The following CAP2 variants were observed in gnomAD, a reference collection of about 807,000 sequenced individuals.
CAP2 encodes adenylyl cyclase-associated protein 2.
A neutral mutation model predicts 57.7 loss-of-function variants in CAP2; 24 were observed. The observed-to-expected ratio is 0.42, with a 90% CI of 0.30 to 0.58. The LOEUF (loss-of-function observed/expected upper bound fraction) is 0.58. CAP2 is among the 20% of genes least tolerant of loss of function. The probability of loss-of-function intolerance (pLI) is 0.22; values close to 1 mark genes in which losing one functional copy is unlikely to be tolerated. For missense variants in CAP2, 501 were observed against 590.3 expected (o/e 0.85, Z 1.57); for synonymous variants, 194 against 207.2 (o/e 0.94, Z 0.55).
intron 3 of CAP2, among the ~76,000 whole-genome samples, chr6:17,462,009 A>AAAAAAAAAAAAAAAAAAAAAAAT: frequency 7.3e-6 from 1 of 137,050 alleles, no homozygotes; most frequent in Non-Finnish European, 1.5e-5. Flanking sequence ...AAAAAAAAAA[A>AAAAAAAAAAAAAAAAAAAAAAAT]AAAAAAAAAA....
chr6:17,521,547 G>GC (rs1762391976), intron 7 of CAP2, among the ~76,000 whole-genome samples: 1 of 152,208 alleles, frequency 6.6e-6, no homozygotes, highest in South Asian at 2.1e-4. Flanking sequence ...TATGGCTTAA[G>GC]CATCTACTAT....
At chr6:17,505,811 G>A (rs767541866) in intron 4 of CAP2, among the ~76,000 whole-genome samples, 6 of 152,170 alleles carry the variant, frequency 3.9e-5, no homozygotes, top group Non-Finnish European at 8.8e-5. Flanking sequence ...GATGTTTAAA[G>A]CAACTGTGGT....
At chr6:17,482,064 T>A (rs986183558) in intron 4 of CAP2, among the ~76,000 whole-genome samples, 1 of 152,230 alleles carries the variant, frequency 6.6e-6, no homozygotes, top group Non-Finnish European at 1.5e-5. Flanking sequence ...GTTATCTCTG[T>A]TCCTAATTTT....
At chr6:17,512,748 A>T (rs567530218) in intron 6 of CAP2, among the ~76,000 whole-genome samples, 24 of 152,356 alleles carry the variant, frequency 1.6e-4, no homozygotes, top group African/African-American at 5.3e-4. Context: ...TGTAGAACAA[A>T]ACCACACTCA....
At chr6:17,507,914 A>G (rs151160135) in intron 6 of CAP2, among the ~76,000 whole-genome samples, 188 bp downstream of exon 6, 2 of 152,360 alleles carry the variant, frequency 1.3e-5, no homozygotes, top group East Asian at 3.9e-4. Flanking sequence ...TCCAGATAAT[A>G]TATGGGTTTT....
chr6:17,446,223 A>G (rs919262942), intron 3 of CAP2, among the ~76,000 whole-genome samples: 2 of 152,248 alleles, frequency 1.3e-5, no homozygotes, highest in Non-Finnish European at 2.9e-5. Flanking sequence ...CAAGAAAACA[A>G]TAACATGAAA....
At chr6:17,540,446 T>C (rs1359317022) in intron 8 of CAP2, among the ~76,000 whole-genome samples, 1 of 145,038 alleles carries the variant, frequency 6.9e-6, no homozygotes, top group Admixed American at 6.8e-5. Flanking sequence ...GTTCCTCAAA[T>C]TAAAAAAAAA....
chr6:17,533,219 T>C (rs1018608461), intron 7 of CAP2, among the ~76,000 whole-genome samples: 1 of 148,240 alleles, frequency 6.7e-6, no homozygotes, highest in Non-Finnish European at 1.5e-5. Context: ...CTATATTAAA[T>C]AGAGTATACT....
intron 5 of CAP2, 109 bp downstream of exon 5, chr6:17,507,421 C>G: frequency 5.0e-6 from 6 of 1,210,076 alleles, no homozygotes; most frequent in Non-Finnish European, 7.1e-6. Flanking sequence ...GAAGCTTCTT[C>G]CTGGGCTGAA....
At chr6:17,512,541 T>G (rs1022478484) in intron 6 of CAP2, among the ~76,000 whole-genome samples, 1 of 152,258 alleles carries the variant, frequency 6.6e-6, no homozygotes, top group African/African-American at 2.4e-5. Context: ...GTTCATGCTC[T>G]AATAATAGCT....
chr6:17,440,614 G>GTGTGTGTGTGTGTGT (rs1554122866), intron 3 of CAP2, among the ~76,000 whole-genome samples: 2 of 141,594 alleles, frequency 1.4e-5, no homozygotes, highest in Non-Finnish European at 3.0e-5. Context: ...AACTGTGTGT[G>GTGTGTGTGTGTGTGT]GTGTGTGTGT....
At chr6:17,418,825 C>T (rs1389156853) in intron 1 of CAP2, among the ~76,000 whole-genome samples, 2 of 152,220 alleles carry the variant, frequency 1.3e-5, no homozygotes, top group Non-Finnish European at 2.9e-5. Flanking sequence ...ACAGGATACC[C>T]AGCTCCCTTG....
At chr6:17,525,044 G>T (rs565107714) in intron 7 of CAP2, among the ~76,000 whole-genome samples, 1 of 151,844 alleles carries the variant, frequency 6.6e-6, no homozygotes, top group East Asian at 1.9e-4. Context: ...CTACAGGTGC[G>T]CGCCACCACA....
intron 4 of CAP2, among the ~76,000 whole-genome samples, chr6:17,490,645 T>G (rs1449438318): frequency 6.6e-6 from 1 of 152,166 alleles, no homozygotes; most frequent in Non-Finnish European, 1.5e-5. Context: ...GCCCATGAGT[T>G]TTCGGTTGTA....
intron 1 of CAP2, among the ~76,000 whole-genome samples, chr6:17,414,721 G>T (rs1298463222): frequency 6.6e-6 from 1 of 152,180 alleles, no homozygotes; most frequent in Non-Finnish European, 1.5e-5. Flanking sequence ...ACATATGTAT[G>T]CATGTGTCTT....
chr6:17,407,778 C>CAAAAAAAAAAAAAAAAAAAAAAAAA (rs60480016), intron 1 of CAP2, among the ~76,000 whole-genome samples: 1 of 69,356 alleles, frequency 1.4e-5, no homozygotes, highest in African/African-American at 5.1e-5. Flanking sequence ...GACTCGGTCT[C>CAAAAAAAAAAAAAAAAAAAAAAAAA]AAAAAAAAAA....
At chr6:17,462,157 T>C (rs1313720971) in intron 3 of CAP2, among the ~76,000 whole-genome samples, 1 of 151,954 alleles carries the variant, frequency 6.6e-6, no homozygotes, top group East Asian at 1.9e-4. Context: ...TTGTGGGGTG[T>C]TGAGTCCAGG....
chr6:17,478,244 C>T (rs1340102062), intron 4 of CAP2, among the ~76,000 whole-genome samples: 1 of 150,744 alleles, frequency 6.6e-6, no homozygotes, highest in African/African-American at 2.4e-5. Context: ...AAATGATCCT[C>T]CCGCCTCAGC....
intron 11 of CAP2, among the ~76,000 whole-genome samples, chr6:17,545,198 C>T (rs184439995): frequency 1.4e-4 from 21 of 152,268 alleles, no homozygotes; most frequent in South Asian, 8.3e-4. Context: ...TGAAAAGTAT[C>T]TTGGAAAGAA....
Sources: allele counts gnomAD v4.1 joint callset (sites outside exome capture counted in the v4.1 genomes callset), GRCh38; gene constraint gnomAD v4.1.1; transcripts MANE v1.5; gene names NCBI Gene and HGNC (gene_info 2026-07-23, HGNC 2026-07-21).